Variants in TTLL11 observed in about 807,000 individuals in gnomAD.
TTLL11 encodes tubulin tyrosine ligase like 11.
A neutral mutation model predicts 51.7 loss-of-function variants in TTLL11; 42 were observed. The observed-to-expected ratio is 0.81, with a 90% CI of 0.64 to 1.05. The LOEUF (loss-of-function observed/expected upper bound fraction) is 1.05. TTLL11 is among the 50% of genes least tolerant of loss of function. The pLI is 0.00. For missense variants in TTLL11, 799 were observed against 940.4 expected (o/e 0.85, Z 1.97); for synonymous variants, 381 against 383.5 (o/e 0.99, Z 0.08).
chr9:122,048,002 G>A (rs1038333149), intron 1 of TTLL11, among the ~76,000 whole-genome samples: 2 of 151,916 alleles, frequency 1.3e-5, no homozygotes, highest in African/African-American at 4.8e-5. Context: ...TGATCTCTTA[G>A]CTTATTTTTA....
intron 6 of TTLL11, among the ~76,000 whole-genome samples, chr9:121,943,300 G>A (rs1186156769): frequency 6.6e-6 from 1 of 152,148 alleles, no homozygotes; most frequent in Non-Finnish European, 1.5e-5. Context: ...TCCCTTCTCA[G>A]AAACAGGCAT....
chr9:121,905,528 T>C (rs200122515), intron 6 of TTLL11, among the ~76,000 whole-genome samples: 1 of 152,112 alleles, frequency 6.6e-6, no homozygotes, highest in Non-Finnish European at 1.5e-5. Context: ...ATTTTTTGTA[T>C]TTTTAGTAGA....
intron 1 of TTLL11, among the ~76,000 whole-genome samples, chr9:122,070,009 A>ACG (rs1358068171): frequency 1.6e-4 from 25 of 151,594 alleles, no homozygotes; most frequent in African/African-American, 5.8e-4. Context: ...ACACACACAC[A>ACG]CACGCGCACA....
At chr9:122,000,088 C>T (rs1319200878) in intron 3 of TTLL11, among the ~76,000 whole-genome samples, 1 of 152,166 alleles carries the variant, frequency 6.6e-6, no homozygotes, top group Non-Finnish European at 1.5e-5. Context: ...TAGAATGAGG[C>T]TAAAACCTAC....
intron 8 of TTLL11, among the ~76,000 whole-genome samples, chr9:121,825,687 G>A (rs1836730431): frequency 6.6e-6 from 1 of 152,138 alleles, no homozygotes; most frequent in African/African-American, 2.4e-5. Context: ...TGAATTTCTA[G>A]CAAGCTTCCT....
intron 6 of TTLL11, among the ~76,000 whole-genome samples, chr9:121,964,890 T>TC (rs1387117176): frequency 3.3e-5 from 5 of 152,196 alleles, no homozygotes; most frequent in Non-Finnish European, 7.3e-5. Flanking sequence ...CCTGCCTCTC[T>TC]TGGCAATTTG....
At chr9:121,869,214 A>G (rs1023897710) in intron 7 of TTLL11, among the ~76,000 whole-genome samples, 2 of 152,226 alleles carry the variant, frequency 1.3e-5, no homozygotes, top group Non-Finnish European at 2.9e-5. Context: ...TGAAACGGCA[A>G]AATTCCTGCC....
At chr9:121,832,776 C>A (rs2119127180) in intron 8 of TTLL11, among the ~76,000 whole-genome samples, 1 of 152,258 alleles carries the variant, frequency 6.6e-6, no homozygotes, top group East Asian at 1.9e-4. Context: ...CCTGTCTCTA[C>A]TAAAAATACA....
intron 6 of TTLL11, among the ~76,000 whole-genome samples, chr9:121,891,862 G>A (rs1356262183): frequency 1.3e-5 from 2 of 151,332 alleles, no homozygotes; most frequent in Admixed American, 6.6e-5. Flanking sequence ...TGAGGGTTTA[G>A]TCTAAAATTC....
At chr9:121,996,085 C>T (rs1843250587) in intron 3 of TTLL11, among the ~76,000 whole-genome samples, 1 of 152,198 alleles carries the variant, frequency 6.6e-6, no homozygotes, top group South Asian at 2.1e-4. Flanking sequence ...GGGGCAGTGG[C>T]ATCGATTACC....
At chr9:121,933,714 A>C (rs1841084722) in intron 6 of TTLL11, among the ~76,000 whole-genome samples, 1 of 150,338 alleles carries the variant, frequency 6.7e-6, no homozygotes, top group Admixed American at 6.6e-5. Flanking sequence ...AAAGAACATT[A>C]CATTTTTTGC....
At chr9:122,066,403 A>G (rs954695177) in intron 1 of TTLL11, among the ~76,000 whole-genome samples, 1 of 152,184 alleles carries the variant, frequency 6.6e-6, no homozygotes, top group East Asian at 1.9e-4. Context: ...AAGGACAAAA[A>G]AAAATCACTG....
chr9:121,837,417 CTAG>C (rs1276624887), intron 8 of TTLL11, among the ~76,000 whole-genome samples: 1 of 152,042 alleles, frequency 6.6e-6, no homozygotes, highest in Non-Finnish European at 1.5e-5. Context: ...AGGAGAGGAA[CTAG>C]TAGTACAAAA....
At chr9:121,909,267 A>G (rs187750513) in intron 6 of TTLL11, among the ~76,000 whole-genome samples, 41 of 152,294 alleles carry the variant, frequency 2.7e-4, no homozygotes, top group African/African-American at 9.6e-4. Flanking sequence ...GCTGATCATG[A>G]GTGCAGGATG....
rs117884278 is a variant in TTLL11, at chr9:121,937,840, T to A, written c.1481+36169A>T. ...TAAGAAAAGAACCAAAGAGAATATC[T>A]GGAAATAAACCCAGTAAAGCATGAA... On this transcript the variant is annotated intron_variant, in intron 6 of 8. Transcript: ENST00000321582. 5.5e-4 allele frequency among the ~76,000 whole-genome samples: 83 copies of A among 152,034 alleles called. No homozygotes were observed. In the East Asian group the frequency reaches 0.015, roughly 28 times the overall value.
At chr9:122,062,402 G>A (rs1845459682) in intron 1 of TTLL11, among the ~76,000 whole-genome samples, 1 of 150,408 alleles carries the variant, frequency 6.6e-6, no homozygotes, top group Non-Finnish European at 1.5e-5. Context: ...TTGGTAACCA[G>A]AGAGCTCCAA....
intron 3 of TTLL11, among the ~76,000 whole-genome samples, chr9:122,024,992 C>A (rs1239411617): frequency 6.6e-6 from 1 of 151,636 alleles, no homozygotes; most frequent in Non-Finnish European, 1.5e-5. Context: ...TCTCACATAC[C>A]CCATAAGTAT....
At position 121,822,710 on chromosome 9, in the gene TTLL11, GCCC is replaced by G. The variant is rs1320009262; in HGVS notation, c.2007_2009del (p.Gly670del). 6 of 1,550,030 alleles carry G rather than the reference GCCC, an allele frequency of 3.9e-6. No individual in the cohort carries two copies. The highest frequency in any genetic ancestry group is 5.2e-6 in the Non-Finnish European group (6 of 1,146,736). On this transcript the variant is annotated inframe_deletion, in exon 9 of 9. Transcript: ENST00000321582. This position sits in a 1 kb window ranked among gnomAD's most constrained non-coding sequence, Gnocchi z 5.8. ...GGGGAGGGCCACGGTGTGGGGGCCGGCCCCCCGACGGGACGCCCCGGCCACACA... is the reference window on the plus strand; with the variant it reads ...GGGGAGGGCCACGGTGTGGGGGCCGGCCCGACGGGACGCCCCGGCCACACA...
chr9:121,908,442 G>C (rs1238858614), intron 6 of TTLL11, among the ~76,000 whole-genome samples: 1 of 152,214 alleles, frequency 6.6e-6, no homozygotes, highest in Non-Finnish European at 1.5e-5. Context: ...AGGTTAGAAG[G>C]CTGCCAGCCT....
Sources: allele counts gnomAD v4.1 joint callset (sites outside exome capture counted in the v4.1 genomes callset), GRCh38; gene constraint gnomAD v4.1.1; non-coding constraint Gnocchi (gnomAD v3.1); transcripts MANE v1.5; gene names NCBI Gene and HGNC (gene_info 2026-07-23, HGNC 2026-07-21).